RCAN1: variants seen among roughly 807,000 people sequenced by gnomAD.
RCAN1 encodes the protein calcipressin-1.
A neutral mutation model predicts 22.9 loss-of-function variants in RCAN1; 11 were observed. The observed-to-expected ratio is 0.48, with a 90% CI of 0.30 to 0.79. RCAN1 has a LOEUF of 0.79. Among genes scored for constraint, RCAN1 ranks in the 30% least tolerant of loss-of-function variants. The probability of loss-of-function intolerance (pLI) is 0.06; values close to 1 mark genes in which losing one functional copy is unlikely to be tolerated. For synonymous variants in RCAN1, 136 were observed against 142.3 expected (o/e 0.96, Z 0.32); for missense variants, 291 against 337.8 (o/e 0.86, Z 1.09).
intron 1 of RCAN1, among the ~76,000 whole-genome samples, chr21:34,590,590 C>T (rs1415234696): frequency 6.6e-6 from 1 of 152,182 alleles, no homozygotes; most frequent in Non-Finnish European, 1.5e-5. Context: ...ATTTTTTCAT[C>T]CTCCTCCCAT....
rs1465148283 is a variant in RCAN1, at chr21:34,604,855, C to A, written c.252+9905G>T. On this transcript the variant is annotated intron_variant, in intron 1 of 3. Transcript: ENST00000313806. ...CACAGTGCTCAGAACAGAGATGGCA[C>A]CCAAAAGGTATTTGTTGAATAAATG... Among the ~76,000 whole-genome samples the A allele has an allele frequency of 2.6e-5, 4 of 152,232 alleles. No individual in the cohort carries two copies. In the East Asian group the frequency reaches 7.7e-4, roughly 29 times the overall value.
Position 34,595,739 on chromosome 21 carries a change from T to C in RCAN1, c.252+19021A>G, listed in dbSNP as rs1409700717. On this transcript the variant is annotated intron_variant, in intron 1 of 3. Coordinates refer to ENST00000313806, the MANE Select transcript of RCAN1 (RefSeq NM_004414.7). Reference sequence around the variant, plus strand: ...CCTTCGCCGGCCACTGGAAGGGCACTGCTCCCAACACCCACTCACACGCTG... The same window carrying C: ...CCTTCGCCGGCCACTGGAAGGGCACCGCTCCCAACACCCACTCACACGCTG... 4.6e-5 allele frequency among the ~76,000 whole-genome samples: 7 copies of C among 152,228 alleles called. 1 individual carries two copies. The highest frequency in any genetic ancestry group is 9.6e-5 in the African/African-American group (4 of 41,472).
At position 34,578,727 on chromosome 21, in the gene RCAN1, C is replaced by A. The variant is rs148343888; in HGVS notation, c.252+36033G>T. Among the ~76,000 whole-genome samples the A allele has an allele frequency of 2.0e-5, 3 of 152,212 alleles. No homozygotes were observed. The East Asian group carries it at 5.8e-4, about 29-fold the overall frequency. ...GGGTTCTCTAAGACACCCGCCCTGA[C>A]AAGAGTGCCTTTCCAAGAGTGCAGG... On this transcript the variant is annotated intron_variant, in intron 1 of 3. Coordinates refer to ENST00000313806, the MANE Select transcript of RCAN1 (RefSeq NM_004414.7).
At chr21:34,580,337 A>G (rs1568920774) in intron 1 of RCAN1, among the ~76,000 whole-genome samples, 1 of 152,244 alleles carries the variant, frequency 6.6e-6, no homozygotes, top group East Asian at 1.9e-4. Context: ...GCAAATGGAA[A>G]GAATGACAGT....
chr21:34,552,459 A>G (rs566881132), intron 1 of RCAN1, among the ~76,000 whole-genome samples: 3 of 152,338 alleles, frequency 2.0e-5, no homozygotes, highest in Admixed American at 1.3e-4. Flanking sequence ...CAGACCAACA[A>G]TTCTCCATAG....
intron 1 of RCAN1, among the ~76,000 whole-genome samples, chr21:34,567,568 A>G (rs1987073333): frequency 6.6e-6 from 1 of 151,824 alleles, no homozygotes; most frequent in Non-Finnish European, 1.5e-5. Flanking sequence ...AAAAAAAAAA[A>G]AAGAAAGAAA....
At chr21:34,527,278 A>G (rs935560609) in intron 1 of RCAN1, among the ~76,000 whole-genome samples, 2 of 151,996 alleles carry the variant, frequency 1.3e-5, no homozygotes, top group Non-Finnish European at 2.9e-5. Flanking sequence ...AAACCTGGAA[A>G]CCAAAGTCCG....
chr21:34,604,704 G>A (rs1988469985), intron 1 of RCAN1, among the ~76,000 whole-genome samples: 1 of 152,174 alleles, frequency 6.6e-6, no homozygotes, highest in Non-Finnish European at 1.5e-5. Context: ...CAGGCAAGTG[G>A]GCTGTGAGTT....
At chr21:34,576,821 C>T (rs1987424982) in intron 1 of RCAN1, among the ~76,000 whole-genome samples, 2 of 152,184 alleles carry the variant, frequency 1.3e-5, no homozygotes, top group Admixed American at 1.3e-4. Flanking sequence ...AATACTTTGT[C>T]TTTGGTTCAA....
intron 1 of RCAN1, among the ~76,000 whole-genome samples, chr21:34,593,117 T>C (rs1004914384): frequency 6.6e-6 from 1 of 152,252 alleles, no homozygotes; most frequent in African/African-American, 2.4e-5. Context: ...CCTGAGTTTA[T>C]ATAGACTAGG....
In RCAN1 at chr21:34,519,397, C is replaced by CTTTTTTTTT. The variant is rs34152667; in HGVS notation, c.587-1150_587-1142dup. Among the ~76,000 whole-genome samples the CTTTTTTTTT allele has an allele frequency of 1.2e-3, 124 of 102,760 alleles. 1 individual carries two copies. Among genetic ancestry groups the CTTTTTTTTT allele is most frequent in the Non-Finnish European group, 1.7e-3 (89 of 52,888 alleles). 67.4% of individuals were successfully genotyped at this position (102,760 alleles called of 152,430 possible). A position where few individuals can be genotyped will look rare whatever the true frequency, so the allele number is the denominator to read the frequency against. Reference sequence around the variant, plus strand: ...CTTTTTTCTTTTTCTTTCTTTCTTTCTTTTTTTTTTTTTTTTTTTTGAGAC... The same window carrying CTTTTTTTTT: ...CTTTTTTCTTTTTCTTTCTTTCTTTCTTTTTTTTTTTTTTTTTTTTTTTTTTTTTGAGAC... On this transcript the variant is annotated intron_variant, in intron 3 of 3. Transcript: ENST00000313806.
chr21:34,557,574 T>C (rs1225575750), intron 1 of RCAN1, among the ~76,000 whole-genome samples: 1 of 152,238 alleles, frequency 6.6e-6, no homozygotes, highest in African/African-American at 2.4e-5. Flanking sequence ...CTGGGGAAGA[T>C]GCTAAAATGA....
Position 34,614,484 on chromosome 21 carries a change from C to A in RCAN1, c.252+276G>T. 1 of 1,032,838 alleles carries A rather than the reference C, an allele frequency of 9.7e-7. No individual in the cohort carries two copies. Among genetic ancestry groups the A allele is most frequent in the Non-Finnish European group, 1.2e-6 (1 of 861,540 alleles). 64.0% of individuals were successfully genotyped at this position (1,032,838 alleles called of 1,614,324 possible). ...CCCACCTTGGGGAGCGAATTCACCC[C>A]CCTAGTCGCACCAGCCTGGGCGCAC... On this transcript the variant is annotated intron_variant, in intron 1 of 3. Coordinates refer to ENST00000313806, the MANE Select transcript of RCAN1 (RefSeq NM_004414.7). The surrounding 1 kb of genome is among the most constrained non-coding windows in gnomAD (Gnocchi z 6.0).
chr21:34,590,786 C>T (rs2123710632), intron 1 of RCAN1, among the ~76,000 whole-genome samples: 1 of 152,316 alleles, frequency 6.6e-6, no homozygotes, highest in South Asian at 2.1e-4. Context: ...GACAGGCTTC[C>T]TATATCTGAG....
At chr21:34,553,967 G>A (rs1476084644) in intron 1 of RCAN1, among the ~76,000 whole-genome samples, 4 of 152,116 alleles carry the variant, frequency 2.6e-5, no homozygotes, top group East Asian at 1.9e-4. Flanking sequence ...TTTAATCAGC[G>A]ATTTTTTACA....
At chr21:34,566,621 C>T (rs1049207588) in intron 1 of RCAN1, among the ~76,000 whole-genome samples, 1 of 152,090 alleles carries the variant, frequency 6.6e-6, no homozygotes, top group African/African-American at 2.4e-5. Context: ...TGTTCTCTGA[C>T]CTGATGGTTT....
intron 1 of RCAN1, among the ~76,000 whole-genome samples, chr21:34,533,170 C>T (rs1985505626): frequency 6.6e-6 from 1 of 151,800 alleles, no homozygotes; most frequent in African/African-American, 2.4e-5. Flanking sequence ...CCGTGTTAGC[C>T]AGGATGGTCT....
chr21:34,550,730 T>C (rs980754478), intron 1 of RCAN1, among the ~76,000 whole-genome samples: 1 of 152,140 alleles, frequency 6.6e-6, no homozygotes, highest in Non-Finnish European at 1.5e-5. Context: ...TGTAACAATA[T>C]AAAATATGCC....
rs1984170515 is a variant in RCAN1, at chr21:34,518,001, G to A, written c.*83C>T. The A allele has an allele frequency of 9.1e-6, 14 of 1,542,870 alleles. No homozygotes were observed. Among genetic ancestry groups the A allele is most frequent in the South Asian group, 3.6e-5 (3 of 82,946 alleles). Reference sequence around the variant, plus strand: ...CACCCCGATCTCGGCTGCCACCTCCGAAGAAGTCGTGACCAGCCACCTCCA... The same window carrying A: ...CACCCCGATCTCGGCTGCCACCTCCAAAGAAGTCGTGACCAGCCACCTCCA... On this transcript the variant is annotated 3_prime_UTR_variant, in exon 4 of 4. Transcript: ENST00000313806. The surrounding 1 kb of genome is among the most constrained non-coding windows in gnomAD (Gnocchi z 4.2).
Sources: gnomAD v4.1 joint callset for allele counts (sites outside exome capture counted in the v4.1 genomes callset) on GRCh38, gnomAD v4.1.1 for gene constraint, Gnocchi (gnomAD v3.1) non-coding constraint, MANE v1.5 for transcripts, NCBI Gene and HGNC (gene_info 2026-07-23, HGNC 2026-07-21) for gene names.